Variants in PDZRN4 observed in about 807,000 individuals in gnomAD.
PDZRN4 encodes the protein PDZ domain containing ring finger 4, also known as PDZ domain-containing RING finger protein 4.
Under a neutral mutation model 99.0 loss-of-function variants are expected in PDZRN4, and 70 were observed. The ratio of observed to expected loss-of-function variants is 0.71; its 90% CI spans 0.58 to 0.86. PDZRN4 has a LOEUF of 0.86. Among genes scored for constraint, PDZRN4 ranks in the 40% least tolerant of loss-of-function variants. The pLI is 0.00. For missense variants in PDZRN4, 1,474 were observed against 1,331.2 expected, an observed-to-expected ratio of 1.11 and a Z score of -1.67; for synonymous variants, 551 against 501.6, an observed-to-expected ratio of 1.10 and a Z score of -1.32.
intron 3 of PDZRN4, among the ~76,000 whole-genome samples, chr12:41,284,605 CTACAT>C (rs1323509744): frequency 1.3e-5 from 2 of 152,202 alleles, no homozygotes; most frequent in African/African-American, 4.8e-5. Context: ...TGACTTCAAA[CTACAT>C]TACAAGGCTA....
intron 3 of PDZRN4, among the ~76,000 whole-genome samples, chr12:41,398,189 G>C (rs113496728): frequency 6.6e-6 from 1 of 152,110 alleles, no homozygotes; most frequent in African/African-American, 2.4e-5. Flanking sequence ...TGCAGACCCC[G>C]TGTCCTCTTA....
At chr12:41,251,434 GATTTCACC>G (rs1951169173) in intron 3 of PDZRN4, among the ~76,000 whole-genome samples, 1 of 151,998 alleles carries the variant, frequency 6.6e-6, no homozygotes, top group Non-Finnish European at 1.5e-5. Context: ...AAGTATCAAT[GATTTCACC>G]ATTCTTCCTC....
intron 5 of PDZRN4, among the ~76,000 whole-genome samples, chr12:41,541,035 C>T (rs933714511): frequency 3.3e-5 from 5 of 152,062 alleles, no homozygotes; most frequent in African/African-American, 1.2e-4. Flanking sequence ...CGCCATTCTC[C>T]TACCTCAGCC....
At chr12:41,419,246 A>G (rs1237396551) in intron 3 of PDZRN4, among the ~76,000 whole-genome samples, 3 of 152,206 alleles carry the variant, frequency 2.0e-5, no homozygotes, top group Non-Finnish European at 4.4e-5. Context: ...TGGTTGGACA[A>G]CAAAGTCCTT....
chr12:41,246,887 T>G (rs1951137086), intron 3 of PDZRN4, among the ~76,000 whole-genome samples: 1 of 152,200 alleles, frequency 6.6e-6, no homozygotes, highest in Admixed American at 6.5e-5. Context: ...CAGTTAATTT[T>G]TTTTCTATTT....
intron 3 of PDZRN4, among the ~76,000 whole-genome samples, chr12:41,239,252 G>C (rs1170494457): frequency 6.6e-6 from 1 of 152,120 alleles, no homozygotes; most frequent in Admixed American, 6.5e-5. Context: ...TTACAAGTGG[G>C]AGCTGAATGA....
At chr12:41,224,022 ACT>A (rs772415012) in intron 3 of PDZRN4, among the ~76,000 whole-genome samples, 1 of 152,214 alleles carries the variant, frequency 6.6e-6, no homozygotes, top group Admixed American at 6.5e-5. Context: ...CTAGAGTGCA[ACT>A]CTCTGCAGAA....
intron 3 of PDZRN4, among the ~76,000 whole-genome samples, chr12:41,373,810 G>A (rs1952060932): frequency 6.6e-6 from 1 of 152,156 alleles, no homozygotes; most frequent in Non-Finnish European, 1.5e-5. Flanking sequence ...AAGTGTCCAT[G>A]AAATCTTCAC....
At chr12:41,332,567 A>T (rs1476653073) in intron 3 of PDZRN4, among the ~76,000 whole-genome samples, 1 of 151,828 alleles carries the variant, frequency 6.6e-6, no homozygotes, top group Non-Finnish European at 1.5e-5. Context: ...AAGGTTAAGA[A>T]CCTAGGGGTC....
chr12:41,522,236 CT>C (rs58346358), intron 5 of PDZRN4, among the ~76,000 whole-genome samples: 9,762 of 152,152 alleles, frequency 0.064, 783 homozygotes, highest in East Asian at 0.17. Context: ...GATTTAATCA[CT>C]TCCTGTCTGA....
chr12:41,299,760 C>T (rs1199624289), intron 3 of PDZRN4, among the ~76,000 whole-genome samples: 1 of 151,878 alleles, frequency 6.6e-6, no homozygotes, highest in Non-Finnish European at 1.5e-5. Flanking sequence ...ATTTGTGTTT[C>T]ACAAGAACAG....
chr12:41,391,511 T>C (rs781145421), intron 3 of PDZRN4, among the ~76,000 whole-genome samples: 7 of 152,178 alleles, frequency 4.6e-5, no homozygotes, highest in Non-Finnish European at 7.3e-5. Flanking sequence ...AGAATTGACA[T>C]GATAACTGAG....
At chr12:41,293,221 C>G (rs183449200) in intron 3 of PDZRN4, among the ~76,000 whole-genome samples, 157 of 139,760 alleles carry the variant, frequency 1.1e-3, no homozygotes, top group Non-Finnish European at 2.1e-3. Flanking sequence ...GGCTCTATGA[C>G]TAACTTCTGG....
intron 7 of PDZRN4, among the ~76,000 whole-genome samples, chr12:41,557,018 G>A (rs1939177668): frequency 6.6e-6 from 1 of 151,976 alleles, no homozygotes; most frequent in South Asian, 2.1e-4. Flanking sequence ...AGGCATGGTG[G>A]CAGCCACCTG....
chr12:41,202,565 C>A (rs1363653889), intron 3 of PDZRN4, among the ~76,000 whole-genome samples: 1 of 151,964 alleles, frequency 6.6e-6, no homozygotes, highest in African/African-American at 2.4e-5. Context: ...GCTTTATAGA[C>A]AGTACTTTTA....
intron 3 of PDZRN4, among the ~76,000 whole-genome samples, chr12:41,384,170 C>T (rs1281829400): frequency 6.6e-6 from 1 of 151,876 alleles, no homozygotes. Flanking sequence ...ATCACCTAGG[C>T]TGCTAATTCA....
chr12:41,316,356 CT>C (rs974100824), intron 3 of PDZRN4, among the ~76,000 whole-genome samples: 2 of 151,704 alleles, frequency 1.3e-5, no homozygotes, highest in African/African-American at 4.8e-5. Context: ...TTGGAATGTG[CT>C]TTCATTGTAT....
chr12:41,340,535 T>C (rs1951808555), intron 3 of PDZRN4, among the ~76,000 whole-genome samples: 1 of 151,862 alleles, frequency 6.6e-6, no homozygotes, highest in African/African-American at 2.4e-5. Context: ...ACAGCAGGGT[T>C]ACTACAGTCA....
chr12:41,233,431 T>C (rs1951043236), intron 3 of PDZRN4, among the ~76,000 whole-genome samples: 1 of 152,132 alleles, frequency 6.6e-6, no homozygotes, highest in South Asian at 2.1e-4. Flanking sequence ...AGCCATCCCA[T>C]TACTGGGTAT....
Sources: gnomAD v4.1 joint callset for allele counts (sites outside exome capture counted in the v4.1 genomes callset) on GRCh38, gnomAD v4.1.1 for gene constraint, MANE v1.5 for transcripts, NCBI Gene and HGNC (gene_info 2026-07-23, HGNC 2026-07-21) for gene names.